Variants in NHSL3 observed in about 807,000 individuals in gnomAD.
NHSL3 encodes NHS like 3, also known as NHS-like protein 3.
chr1:32,751,667 T>G, the NHSL3 span, among the ~76,000 whole-genome samples: 1 of 151,978 alleles, frequency 6.6e-6, no homozygotes, highest in African/African-American at 2.4e-5. Flanking sequence ...AAGGAAGACT[T>G]CATGGAGGAG....
the NHSL3 span, chr1:32,768,958 A>G: frequency 2.5e-6 from 2 of 793,496 alleles, no homozygotes; most frequent in Non-Finnish European, 3.7e-6. Context: ...TAAGAGTTAG[A>G]AAATCTTGGC....
At chr1:32,756,231 TGAG>T in the NHSL3 span, among the ~76,000 whole-genome samples, 1 of 152,106 alleles carries the variant, frequency 6.6e-6, no homozygotes, top group Admixed American at 6.5e-5. Context: ...TTTAGAAAAC[TGAG>T]GAGATGGTCC....
the NHSL3 span, among the ~76,000 whole-genome samples, chr1:32,757,889 GCGGCCC>G: frequency 6.6e-6 from 1 of 152,176 alleles, no homozygotes; most frequent in Non-Finnish European, 1.5e-5. Flanking sequence ...GAGAAAGCCT[GCGGCCC>G]CGGCCCCGGG....
chr1:32,756,909 CAGCG>C, the NHSL3 span, among the ~76,000 whole-genome samples: 1 of 151,736 alleles, frequency 6.6e-6, no homozygotes, highest in Non-Finnish European at 1.5e-5. Context: ...GTGGAGGTTG[CAGCG>C]AGCCGAGATT....
chr1:32,748,862 T>A, the NHSL3 span, among the ~76,000 whole-genome samples: 4 of 151,848 alleles, frequency 2.6e-5, no homozygotes, highest in Non-Finnish European at 5.9e-5. Context: ...AAATAAAGAG[T>A]GTGACAGGGT....
the NHSL3 span, chr1:32,767,782 A>G: frequency 1.9e-6 from 3 of 1,603,922 alleles, no homozygotes; most frequent in Non-Finnish European, 2.6e-6. Context: ...CCTCCCTCCT[A>G]CTAGGCTCTG....
chr1:32,748,851 AAAAT>A, the NHSL3 span, among the ~76,000 whole-genome samples: 3 of 152,150 alleles, frequency 2.0e-5, no homozygotes, highest in East Asian at 5.8e-4. Flanking sequence ...AGAAATGTAA[AAAAT>A]AAAGAGTGTG....
chr1:32,746,336 AG>A, the NHSL3 span, among the ~76,000 whole-genome samples: 31 of 152,158 alleles, frequency 2.0e-4, no homozygotes, highest in Non-Finnish European at 3.8e-4. Context: ...GTGTGTGGGT[AG>A]GAAGTGTTTC....
chr1:32,756,464 G>A, the NHSL3 span, among the ~76,000 whole-genome samples: 5 of 109,166 alleles, frequency 4.6e-5, 1 homozygote, highest in Admixed American at 2.2e-4. Flanking sequence ...GGGGCAACAT[G>A]ACGAGACCCC....
the NHSL3 span, among the ~76,000 whole-genome samples, chr1:32,757,441 A>G: frequency 3.4e-5 from 5 of 146,258 alleles, no homozygotes; most frequent in Non-Finnish European, 6.0e-5. Flanking sequence ...GGCTGGGGAC[A>G]GGGTGGGGGT....
chr1:32,755,441 G>C, the NHSL3 span, among the ~76,000 whole-genome samples: 1 of 152,170 alleles, frequency 6.6e-6, no homozygotes, highest in African/African-American at 2.4e-5. Context: ...GGGGGTGGTG[G>C]AAAGAGCCTG....
the NHSL3 span, among the ~76,000 whole-genome samples, chr1:32,760,586 G>GT: frequency 4.3e-5 from 6 of 139,230 alleles, no homozygotes; most frequent in African/African-American, 1.0e-4. Context: ...GTGTGTGTGT[G>GT]TGTTTTTTTT....
the NHSL3 span, among the ~76,000 whole-genome samples, chr1:32,748,337 A>G: frequency 6.6e-6 from 1 of 152,084 alleles, no homozygotes; most frequent in South Asian, 2.1e-4. Context: ...CATTATGAAC[A>G]ATGTCATTTC....
the NHSL3 span, among the ~76,000 whole-genome samples, chr1:32,746,733 G>A: frequency 6.6e-6 from 1 of 152,190 alleles, no homozygotes; most frequent in Non-Finnish European, 1.5e-5. Flanking sequence ...GAGGTTCACA[G>A]CATCACAATG....
the NHSL3 span, chr1:32,768,663 G>A: frequency 1.1e-5 from 17 of 1,613,984 alleles, no homozygotes; most frequent in South Asian, 4.4e-5. Flanking sequence ...CCTCCCGGAC[G>A]GGGCCGGATG....
the NHSL3 span, among the ~76,000 whole-genome samples, chr1:32,758,079 G>A: frequency 6.6e-6 from 1 of 152,160 alleles, no homozygotes; most frequent in Non-Finnish European, 1.5e-5. Context: ...AGGTAGAGAA[G>A]GGTGAAGGTG....
the NHSL3 span, among the ~76,000 whole-genome samples, chr1:32,745,810 A>G: frequency 1.3e-5 from 2 of 152,070 alleles, no homozygotes; most frequent in East Asian, 3.9e-4. Context: ...TGAGGACTTG[A>G]GCATTAGTTA....
At chr1:32,755,528 C>T in the NHSL3 span, among the ~76,000 whole-genome samples, 14 of 152,130 alleles carry the variant, frequency 9.2e-5, no homozygotes, top group African/African-American at 2.9e-4. Context: ...ATTCCTTTCA[C>T]TTGTCTGGAC....
At chr1:32,770,564 G>T in the NHSL3 span, 7 of 1,524,574 alleles carry the variant, frequency 4.6e-6, no homozygotes, top group Non-Finnish European at 6.2e-6. This position sits in a 1 kb window ranked among gnomAD's most constrained non-coding sequence, Gnocchi z 8.3. Context: ...AGTGGGAGGG[G>T]CTCTCCCAGT....
Sources: gnomAD v4.1 joint callset for allele counts (sites outside exome capture counted in the v4.1 genomes callset) on GRCh38, gnomAD v4.1.1 for gene constraint, Gnocchi (gnomAD v3.1) non-coding constraint, MANE v1.5 for transcripts, NCBI Gene and HGNC (gene_info 2026-07-23, HGNC 2026-07-21) for gene names.